ZNF438: variants seen among roughly 807,000 people sequenced by gnomAD.
ZNF438 encodes zinc finger protein 438.
In ZNF438, 25 loss-of-function variants were observed where a neutral mutation model predicts 38.0. The observed-to-expected ratio is 0.66, with a 90% CI of 0.48 to 0.92. ZNF438 has a LOEUF of 0.92. ZNF438 is among the 40% of genes least tolerant of loss of function. The pLI, the probability that ZNF438 is intolerant of heterozygous loss-of-function variation, is 0.00. For missense variants in ZNF438, 1,007 were observed against 999.6 expected (o/e 1.01, Z -0.10); for synonymous variants, 372 against 364.1 (o/e 1.02, Z -0.25).
exon 5 of ZNF438, chr10:30,848,892 G>C (rs1156738550): frequency 3.7e-6 from 6 of 1,614,086 alleles, no homozygotes; most frequent in Middle Eastern, 3.3e-4. Flanking sequence ...CTGTGCCAAG[G>C]CTTCTTAATG....
At chr10:30,883,451 A>T (rs990285779) in intron 3 of ZNF438, among the ~76,000 whole-genome samples, 4 of 152,190 alleles carry the variant, frequency 2.6e-5, no homozygotes, top group African/African-American at 9.7e-5. Flanking sequence ...TAAGGGTGCT[A>T]TTTAAAATAC....
intron 3 of ZNF438, among the ~76,000 whole-genome samples, chr10:30,900,571 T>C (rs1199942403): frequency 6.6e-6 from 1 of 152,232 alleles, no homozygotes; most frequent in Non-Finnish European, 1.5e-5. Flanking sequence ...ATTTCTTTAA[T>C]TCTCATCACA....
intron 3 of ZNF438, among the ~76,000 whole-genome samples, chr10:30,878,558 C>T (rs984092442): frequency 6.6e-6 from 1 of 152,158 alleles, no homozygotes; most frequent in African/African-American, 2.4e-5. Context: ...TTGGGACCCA[C>T]TGGATGCAGG....
chr10:30,964,682 C>T (rs2049921763), intron 1 of ZNF438, among the ~76,000 whole-genome samples: 1 of 152,134 alleles, frequency 6.6e-6, no homozygotes, highest in Admixed American at 6.5e-5. Flanking sequence ...ACGGATAGGT[C>T]AGCCAAGTAT....
chr10:30,944,294 G>C (rs1392975905), intron 1 of ZNF438, among the ~76,000 whole-genome samples: 1 of 152,190 alleles, frequency 6.6e-6, no homozygotes, highest in African/African-American at 2.4e-5. Flanking sequence ...CCAATTTGAA[G>C]GGGTAGGAAG....
intron 4 of ZNF438, among the ~76,000 whole-genome samples, chr10:30,865,274 T>A (rs1266345530): frequency 6.6e-6 from 1 of 152,344 alleles, no homozygotes; most frequent in African/African-American, 2.4e-5. Flanking sequence ...GTTAATGAAC[T>A]CACACATAGC....
chr10:30,909,207 GA>G (rs1490591336), intron 2 of ZNF438, among the ~76,000 whole-genome samples, 192 bp from the exon 4 acceptor site: 4 of 152,104 alleles, frequency 2.6e-5, no homozygotes, highest in African/African-American at 9.7e-5. Context: ...AAAGTACTAA[GA>G]TTTTTTTAAA....
At chr10:30,921,829 T>C (rs1159065169) in intron 2 of ZNF438, among the ~76,000 whole-genome samples, 1 of 152,202 alleles carries the variant, frequency 6.6e-6, no homozygotes, top group Non-Finnish European at 1.5e-5. Context: ...TCAACTCTCA[T>C]TCTTCCCAAT....
At chr10:30,915,431 T>A (rs1028386806) in intron 2 of ZNF438, among the ~76,000 whole-genome samples, 1 of 152,058 alleles carries the variant, frequency 6.6e-6, no homozygotes, top group East Asian at 1.9e-4. Flanking sequence ...CAGACTGTCA[T>A]CTTGCTGGAT....
chr10:30,853,813 A>G (rs2034129533), intron 4 of ZNF438, among the ~76,000 whole-genome samples: 1 of 151,562 alleles, frequency 6.6e-6, no homozygotes. Flanking sequence ...CCTGGTCAAC[A>G]TGGTGAAACC....
At chr10:31,023,355 A>G (rs570391749) in intron 1 of ZNF438, among the ~76,000 whole-genome samples, 177 of 152,298 alleles carry the variant, frequency 1.2e-3, no homozygotes, top group African/African-American at 4.1e-3. Context: ...AACCTTCACC[A>G]TAGACAGCAC....
intron 1 of ZNF438, among the ~76,000 whole-genome samples, chr10:30,973,550 G>C (rs2050980781): frequency 1.3e-5 from 2 of 152,062 alleles, no homozygotes; most frequent in Admixed American, 6.5e-5. Flanking sequence ...AATTTTATTT[G>C]CATTTATTCA....
intron 4 of ZNF438, among the ~76,000 whole-genome samples, chr10:30,852,374 A>C (rs1366589344): frequency 6.6e-6 from 1 of 151,466 alleles, no homozygotes; most frequent in Admixed American, 6.6e-5. Flanking sequence ...ACACCCAGCT[A>C]ATTTTGTATT....
At chr10:30,875,521 A>G (rs888738925) in intron 4 of ZNF438, 17 of 985,346 alleles carry the variant, frequency 1.7e-5, no homozygotes, top group Non-Finnish European at 2.0e-5. Flanking sequence ...TTGGATAAAA[A>G]AAGGTAATAC....
chr10:31,022,773 T>C (rs1240000722), intron 1 of ZNF438, among the ~76,000 whole-genome samples: 2 of 152,210 alleles, frequency 1.3e-5, no homozygotes, highest in African/African-American at 2.4e-5. Flanking sequence ...TCATCCGCCA[T>C]ATTCACCTGA....
intron 3 of ZNF438, among the ~76,000 whole-genome samples, chr10:30,886,061 T>C (rs1191540518): frequency 2.6e-5 from 4 of 152,300 alleles, no homozygotes; most frequent in South Asian, 4.2e-4. Context: ...TACTCAACTA[T>C]GGACTGGATG....
At chr10:31,029,419 C>A (rs1248537359) in intron 1 of ZNF438, among the ~76,000 whole-genome samples, 1 of 152,178 alleles carries the variant, frequency 6.6e-6, no homozygotes, top group Non-Finnish European at 1.5e-5. Flanking sequence ...CAGTAAACAG[C>A]ACCACTATAC....
At chr10:30,930,851 T>TA (rs5784228) in intron 2 of ZNF438, among the ~76,000 whole-genome samples, 54,197 of 128,172 alleles carry the variant, frequency 0.42, 10,921 homozygotes, top group Admixed American at 0.44. Context: ...GGTTCTTTCC[T>TA]AAAACCAGAA....
At chr10:30,912,368 A>G (rs190807152) in intron 2 of ZNF438, among the ~76,000 whole-genome samples, 2 of 152,172 alleles carry the variant, frequency 1.3e-5, no homozygotes, top group African/African-American at 4.8e-5. Context: ...CTCTTCTTTT[A>G]TATCAACCAG....
Sources: gnomAD v4.1 joint callset for allele counts (sites outside exome capture counted in the v4.1 genomes callset) on GRCh38, gnomAD v4.1.1 for gene constraint, MANE v1.5 for transcripts, NCBI Gene and HGNC (gene_info 2026-07-23, HGNC 2026-07-21) for gene names.